ECE1: variants seen among roughly 807,000 people sequenced by gnomAD.
ECE1 encodes the protein endothelin-converting enzyme 1.
ECE1 carries 35 observed loss-of-function variants against 98.6 expected under a neutral mutation model. The observed-to-expected ratio is 0.35, with a 90% CI of 0.27 to 0.47. The LOEUF is 0.47. ECE1 is among the 20% of genes least tolerant of loss of function. ECE1 has a pLI of 1.00. For missense variants in ECE1, 814 were observed against 1,025.3 expected, an observed-to-expected ratio of 0.79 and a Z score of 2.81; for synonymous variants, 394 against 407.1, an observed-to-expected ratio of 0.97 and a Z score of 0.39.
At chr1:21,267,833 G>C (rs2098235831) in intron 4 of ECE1, among the ~76,000 whole-genome samples, 1 of 152,148 alleles carries the variant, frequency 6.6e-6, no homozygotes, top group African/African-American at 2.4e-5. Context: ...GCAGGTATTA[G>C]GAAAATATGT....
chr1:21,230,787 T>C (rs574693819), intron 14 of ECE1, among the ~76,000 whole-genome samples: 45 of 152,008 alleles, frequency 3.0e-4, no homozygotes, highest in Admixed American at 9.8e-4. Context: ...CATAAAGAAA[T>C]TTGCAAAAAG....
At chr1:21,282,044 T>C (rs1400912956) in intron 2 of ECE1, among the ~76,000 whole-genome samples, 1 of 151,140 alleles carries the variant, frequency 6.6e-6, no homozygotes, top group Admixed American at 6.6e-5. Context: ...CTCAACACTT[T>C]GGGAGGCTGA....
chr1:21,267,222 G>C (rs1029803892), intron 4 of ECE1: 1 of 152,308 alleles, frequency 6.6e-6, no homozygotes, highest in African/African-American at 2.4e-5. Flanking sequence ...CCAGAACAGT[G>C]AGAAATAAAT....
intron 14 of ECE1, among the ~76,000 whole-genome samples, chr1:21,228,323 C>T (rs2098177136): frequency 1.3e-5 from 2 of 152,076 alleles, no homozygotes; most frequent in Admixed American, 6.5e-5. Flanking sequence ...CCTCGGACTC[C>T]CAAAGTGCTG....
chr1:21,309,557 G>A (rs1638671146), intron 1 of ECE1, among the ~76,000 whole-genome samples: 1 of 152,128 alleles, frequency 6.6e-6, no homozygotes, highest in African/African-American at 2.4e-5. Context: ...GGCCCTTCAG[G>A]ATCTGCCCGG....
At chr1:21,255,563 A>C (rs1339012890) in intron 8 of ECE1, among the ~76,000 whole-genome samples, 7 of 152,168 alleles carry the variant, frequency 4.6e-5, no homozygotes, top group Non-Finnish European at 1.0e-4. Context: ...GTAATGACAG[A>C]ATCCACACCA....
At chr1:21,317,964 G>A (rs1290903516) in intron 1 of ECE1, among the ~76,000 whole-genome samples, 3 of 152,224 alleles carry the variant, frequency 2.0e-5, no homozygotes, top group East Asian at 1.9e-4. Context: ...GAGCCACCGC[G>A]ATCTCTTTCT....
In ECE1 at chr1:21,220,367, T is replaced by A. The variant is rs1481370014; in HGVS notation, c.2137-236A>T. Among the ~76,000 whole-genome samples the A allele has an allele frequency of 6.6e-6, 1 of 151,860 alleles. No homozygotes were observed. The highest frequency in any genetic ancestry group is 1.5e-5 in the Non-Finnish European group (1 of 67,966). On this transcript the variant is annotated intron_variant, in intron 18 of 18. Coordinates refer to ENST00000374893, the MANE Select transcript of ECE1 (RefSeq NM_001397.3). The surrounding 1 kb of genome is among the most constrained non-coding windows in gnomAD (Gnocchi z 5.0). ...AAAAAAAATTAACCAGGGATGGTGG[T>A]GTACACCTATGGTCCCAGCTCCTGG... is the stretch of plus-strand genomic sequence containing the variant.
chr1:21,254,809 G>A (rs1486667674), intron 8 of ECE1, among the ~76,000 whole-genome samples: 4 of 152,180 alleles, frequency 2.6e-5, no homozygotes, highest in African/African-American at 9.7e-5. Context: ...CAGTTTCTCT[G>A]GGAGCTGAAG....
chr1:21,264,489 A>G (rs191662876), intron 4 of ECE1, among the ~76,000 whole-genome samples: 1 of 152,012 alleles, frequency 6.6e-6, no homozygotes, highest in East Asian at 1.9e-4. Context: ...TAATTTTTGT[A>G]TTTTTAGTAG....
chr1:21,302,838 A>C (rs1249204805), intron 1 of ECE1, among the ~76,000 whole-genome samples: 1 of 152,118 alleles, frequency 6.6e-6, no homozygotes, highest in Non-Finnish European at 1.5e-5. Context: ...CCCAAATGAC[A>C]GGCTTGTCCA....
Position 21,345,005 on chromosome 1 carries a change from C to T in ECE1, c.3+371G>A, listed in dbSNP as rs1180188533. 5.9e-6 allele frequency: 1 copy of T among 168,610 alleles called. No homozygotes were observed. Among genetic ancestry groups the T allele is most frequent in the East Asian group, 1.7e-4 (1 of 5,914 alleles). The allele number at this position is 168,610 out of a possible 1,614,324, so 10.4% of individuals were successfully genotyped here. On this transcript the variant is annotated intron_variant, in intron 1 of 18. Coordinates refer to the ECE1 transcript ENST00000415912. This position sits in a 1 kb window ranked among gnomAD's most constrained non-coding sequence, Gnocchi z 5.1. ...TCGAAATCGCCGCCACCCGCGAGCC[C>T]GACCCAGCCCGGCTGCCCTGGGTCT... is the stretch of plus-strand genomic sequence containing the variant.
At chr1:21,300,960 G>A (rs374315891) in intron 1 of ECE1, among the ~76,000 whole-genome samples, 1 of 152,156 alleles carries the variant, frequency 6.6e-6, no homozygotes, top group Non-Finnish European at 1.5e-5. Context: ...CTGCTCTTGG[G>A]TTTGGAGGAC....
intron 1 of ECE1, among the ~76,000 whole-genome samples, chr1:21,332,169 C>T (rs956111474): frequency 1.3e-5 from 2 of 152,104 alleles, no homozygotes; most frequent in Admixed American, 6.5e-5. Context: ...AGATGTGGCC[C>T]GAGTCCCTTC....
chr1:21,271,978 T>C (rs149901991), intron 4 of ECE1, among the ~76,000 whole-genome samples: 3 of 151,912 alleles, frequency 2.0e-5, no homozygotes, highest in Non-Finnish European at 4.4e-5. Flanking sequence ...TCGATCCCTT[T>C]TGCTCATAAC....
In ECE1 at chr1:21,261,873, G is replaced by A. The variant is rs922850452; in HGVS notation, c.494-1481C>T. On this transcript the variant is annotated intron_variant, in intron 4 of 18. Transcript: ENST00000374893. Reference sequence around the variant, plus strand: ...GAGGGGAGAGGCCACTGGGTTGCGCGGAGCAGGACAGGACAGTGTGGGGAC... The same window carrying A: ...GAGGGGAGAGGCCACTGGGTTGCGCAGAGCAGGACAGGACAGTGTGGGGAC... 2.6e-5 allele frequency among the ~76,000 whole-genome samples: 4 copies of A among 152,194 alleles called. No individual in the cohort carries two copies. The East Asian group carries it at 5.8e-4, about 22-fold the overall frequency.
chr1:21,276,026 CTTTTTT>C (rs532213567), intron 3 of ECE1, among the ~76,000 whole-genome samples: 3 of 91,272 alleles, frequency 3.3e-5, no homozygotes, highest in Admixed American at 1.3e-4. Flanking sequence ...TTAATACGTG[CTTTTTT>C]TTTTTTTTTT....
chr1:21,222,257 G>A (rs1236226159), intron 17 of ECE1, among the ~76,000 whole-genome samples: 5 of 151,914 alleles, frequency 3.3e-5, no homozygotes, highest in Admixed American at 6.6e-5. Flanking sequence ...AACCCAGAAC[G>A]CTTCTTCAAT....
At chr1:21,342,535 G>T (rs754335936) in intron 1 of ECE1, among the ~76,000 whole-genome samples, 2 of 152,012 alleles carry the variant, frequency 1.3e-5, no homozygotes, top group Non-Finnish European at 2.9e-5. Context: ...TGGGTGGGGA[G>T]CTGGTGACCA....
Sources: gnomAD v4.1 joint callset for allele counts (sites outside exome capture counted in the v4.1 genomes callset) on GRCh38, gnomAD v4.1.1 for gene constraint, Gnocchi (gnomAD v3.1) non-coding constraint, MANE v1.5 for transcripts, NCBI Gene and HGNC (gene_info 2026-07-23, HGNC 2026-07-21) for gene names.